Variants in SYNM observed in about 807,000 individuals in gnomAD.
SYNM encodes synemin.
Under a neutral mutation model 104.0 loss-of-function variants are expected in SYNM, and 95 were observed. That is an observed-to-expected ratio of 0.91 (90% CI 0.77 to 1.08). The LOEUF (loss-of-function observed/expected upper bound fraction) is 1.08, where lower values mean the gene tolerates loss of function less well. Ranked by LOEUF, SYNM falls within the 50% of genes least tolerant of loss-of-function variation. The probability of loss-of-function intolerance (pLI) is 0.00; values close to 1 mark genes in which losing one functional copy is unlikely to be tolerated. For missense variants in SYNM, 2,150 were observed against 2,052.2 expected, an observed-to-expected ratio of 1.05 and a Z score of -0.92; for synonymous variants, 918 against 869.0, an observed-to-expected ratio of 1.06 and a Z score of -0.99.
At chr15:99,123,272 A>G (rs1357710588) in intron 2 of SYNM, among the ~76,000 whole-genome samples, 1 of 149,194 alleles carries the variant, frequency 6.7e-6, no homozygotes, top group Non-Finnish European at 1.5e-5. Flanking sequence ...TCTCTGTTTT[A>G]TGAGTGATGT....
chr15:99,126,654 C>T lies in SYNM; in HGVS notation c.936-68C>T, dbSNP rs868966882. The T allele has an allele frequency of 3.8e-5, 54 of 1,422,410 alleles. 3 individuals are homozygous for T. In the Middle Eastern group the frequency reaches 8.0e-3, roughly 211 times the overall value. The allele number at this position is 1,422,410 out of a possible 1,614,324, so 88.1% of individuals were successfully genotyped here. On this transcript the variant is annotated intron_variant, in intron 2 of 3. Coordinates refer to ENST00000336292, the MANE Select transcript of SYNM (RefSeq NM_145728.3). ...TGGTCATTGGCCGCATACCACGATACGTTTTATTAGAGGCACTTCTTACTC... is the reference window on the plus strand; with the variant it reads ...TGGTCATTGGCCGCATACCACGATATGTTTTATTAGAGGCACTTCTTACTC...
intron 1 of SYNM, among the ~76,000 whole-genome samples, chr15:99,110,045 G>A (rs1435584570): frequency 6.6e-6 from 1 of 152,224 alleles, no homozygotes; most frequent in African/African-American, 2.4e-5. Flanking sequence ...AACCCAGGCA[G>A]GAAGTGCTCG....
At position 99,134,131 on chromosome 15, in the gene SYNM, C is replaced by T. The variant is rs1439665894; in HGVS notation, c.*1073C>T. 1.3e-5 allele frequency: 2 copies of T among 152,152 alleles called. No homozygotes were observed. The highest frequency in any genetic ancestry group is 1.3e-4 in the Admixed American group (2 of 15,276). The allele number at this position is 152,152 out of a possible 1,614,324, so 9.4% of individuals were successfully genotyped here. A position where few individuals can be genotyped will look rare whatever the true frequency, so the allele number is the denominator to read the frequency against. On this transcript the variant is annotated 3_prime_UTR_variant, in exon 4 of 4. Transcript: ENST00000336292. ...ATGAATACAATAACAACCATGAACC[C>T]ACCTCACGGAAGCTTTTTTTGCACT...
At position 99,105,168 on chromosome 15, in the gene SYNM, G is replaced by A. The variant is rs369166722; in HGVS notation, c.-32G>A. 7.7e-6 allele frequency: 12 copies of A among 1,558,862 alleles called. No homozygotes were observed. The highest frequency in any genetic ancestry group is 1.9e-5 in the Admixed American group (1 of 53,542). ...ACAAGACCAGGGCAGGAGGGAGCCG[G>A]CCAGCCGCGAGAACCCCGCACGCCC... On this transcript the variant is annotated 5_prime_UTR_variant, in exon 1 of 4. Coordinates refer to ENST00000336292, the MANE Select transcript of SYNM (RefSeq NM_145728.3).
In SYNM at chr15:99,132,376, CAGAG is replaced by C. The variant is rs782180586; in HGVS notation, c.4019_4022del (p.Glu1340AlafsTer26). The C allele has an allele frequency of 1.9e-4, 311 of 1,613,976 alleles. 1 individual carries two copies. The highest frequency in any genetic ancestry group is 1.7e-3 in the South Asian group (156 of 91,074). ...CCCCAACTGGGGGAATCTGGTGACTCAGAGAGCACTGTGCACGGAGAGGGCTCAG... is the reference window on the plus strand; with the variant it reads ...CCCCAACTGGGGGAATCTGGTGACTCAGCACTGTGCACGGAGAGGGCTCAG... On this transcript the variant is annotated frameshift_variant, in exon 4 of 4. Coordinates refer to ENST00000336292, the MANE Select transcript of SYNM (RefSeq NM_145728.3). LOFTEE classifies it high-confidence loss of function.
At position 99,109,910 on chromosome 15, in the gene SYNM, GA is replaced by G. The variant is rs141281112; in HGVS notation, c.811-3679del. 6.5e-3 allele frequency among the ~76,000 whole-genome samples: 989 copies of G among 152,286 alleles called. 12 individuals are homozygous for G. The highest frequency in any genetic ancestry group is 0.022 in the African/African-American group (931 of 41,560). On this transcript the variant is annotated intron_variant, in intron 1 of 3. Coordinates refer to ENST00000336292, the MANE Select transcript of SYNM (RefSeq NM_145728.3). ...TGGGCATTTACTTTGAGTGCCATGGGAAGCCACTGGAGGTTCTGAGCCGAGG... is the reference window on the plus strand; with the variant it reads ...TGGGCATTTACTTTGAGTGCCATGGGAGCCACTGGAGGTTCTGAGCCGAGG...
At chr15:99,122,676 C>T (rs4965444) in intron 2 of SYNM, among the ~76,000 whole-genome samples, 11,523 of 152,020 alleles carry the variant, frequency 0.076, 485 homozygotes, top group Admixed American at 0.12. Flanking sequence ...TCTCTACAAA[C>T]GATACAAAAA....
At chr15:99,135,860 A>AC (rs2067569361), downstream of SYNM, among the ~76,000 whole-genome samples, 12 of 152,366 alleles carry the variant, frequency 7.9e-5, no homozygotes, top group Admixed American at 7.2e-4. Context: ...TAAAAATGTC[A>AC]TCATCACAGC....
downstream of SYNM, chr15:99,139,708 T>C: frequency 7.3e-7 from 1 of 1,364,612 alleles, no homozygotes. Context: ...GAGGATGGGC[T>C]CCAGTTTCTA....
Position 99,131,952 on chromosome 15 carries a change from G to C in SYNM, c.3592G>C (p.Glu1198Gln), listed in dbSNP as rs1456078326. The change falls in exon 4 of 4, where the codon GAG becomes CAG. Residue 1198 changes from glutamate to glutamine, a missense_variant. Physicochemically the swap from Glu to Gln is conservative, Grantham distance 29. Transcript: ENST00000336292. The surrounding 1 kb of genome is among the most constrained non-coding windows in gnomAD (Gnocchi z 4.3). ...CCTAGGCCCTGCCCCTGCCTGTCCA[G>C]AGGCATGGGGCTCGCCAGAACCTGG... ...IFLGPAPACP[E>Q]AWGSPEPGPA... The C allele has an allele frequency of 4.3e-6, 7 of 1,613,726 alleles. No individual in the cohort carries two copies. Among genetic ancestry groups the C allele is most frequent in the Non-Finnish European group, 5.9e-6 (7 of 1,179,884 alleles).
chr15:99,112,636 G>A lies in SYNM; in HGVS notation c.811-955G>A, dbSNP rs112502018. Among the ~76,000 whole-genome samples the A allele has an allele frequency of 4.7e-3, 711 of 152,316 alleles. 4 individuals are homozygous for A. Among genetic ancestry groups the A allele is most frequent in the Non-Finnish European group, 8.3e-3 (567 of 68,030 alleles). On this transcript the variant is annotated intron_variant, in intron 1 of 3. Coordinates refer to ENST00000336292, the MANE Select transcript of SYNM (RefSeq NM_145728.3). ...GGTCGGGGACCCGGCCAGGGGTGAG[G>A]GGAGCTGCGAGGAGCACCCAGGACG...
chr15:99,129,924 G>A lies in SYNM; in HGVS notation c.1564G>A (p.Glu522Lys). ...AGAAACCATCCGAACAAAGCCAGAA[G>A]AGAAAATGTTCGATTCTAAAGAGAA... ...RPETIRTKPEEKMFDSKEKAS... is the reference protein window; with the variant it reads ...RPETIRTKPEKKMFDSKEKAS... Residue 522 changes from glutamate to lysine, a missense_variant, in exon 4 of 4, where the codon GAG (glutamate) becomes AAG (lysine). By Grantham distance (56) the Glu-to-Lys change is moderately conservative. Transcript: ENST00000336292. 6.2e-7 allele frequency: 1 copy of A among 1,612,418 alleles called. No homozygotes were observed. Among genetic ancestry groups the A allele is most frequent in the Non-Finnish European group, 8.5e-7 (1 of 1,179,094 alleles).
chr15:99,139,178 C>A (rs1555488702), downstream of SYNM: 1 of 1,080,730 alleles, frequency 9.3e-7, no homozygotes, highest in African/African-American at 1.6e-5. Context: ...TTCAAAGGAA[C>A]TTGTCCTTTA....
At chr15:99,127,550 CT>C (rs1196708628) in intron 3 of SYNM, among the ~76,000 whole-genome samples, 1 of 152,140 alleles carries the variant, frequency 6.6e-6, no homozygotes, top group Non-Finnish European at 1.5e-5. Flanking sequence ...TTCATTGTTT[CT>C]TTTAGGCAAC....
At chr15:99,140,911 C>G in the SYNM span, 1 of 151,988 alleles carries the variant, frequency 6.6e-6, no homozygotes, top group African/African-American at 2.4e-5. Flanking sequence ...AATACCAAAC[C>G]AAACCAAAAC....
intron 2 of SYNM, among the ~76,000 whole-genome samples, chr15:99,120,175 T>A (rs1385953762): frequency 1.3e-5 from 2 of 152,216 alleles, no homozygotes; most frequent in Non-Finnish European, 2.9e-5. Context: ...CCAAGGCTGT[T>A]CCCTCCATGC....
chr15:99,139,283 TGAGATAGA>T (rs1567300807), downstream of SYNM: 1 of 1,563,090 alleles, frequency 6.4e-7, no homozygotes, highest in Admixed American at 1.7e-5. Context: ...GGAAAGGGAA[TGAGATAGA>T]GAAAGTGTGA....
chr15:99,116,975 G>A lies in SYNM; in HGVS notation c.935+3260G>A, dbSNP rs1007066444. On this transcript the variant is annotated intron_variant, in intron 2 of 3. Coordinates refer to ENST00000336292, the MANE Select transcript of SYNM (RefSeq NM_145728.3). ...CAGGCATGAGCCCCTGTGCCTAGCC[G>A]GTGCTGGGTTCTTTTAAACAACCAG... is the stretch of plus-strand genomic sequence containing the variant. Among the ~76,000 whole-genome samples, 4 of 143,764 alleles carry A rather than the reference G, an allele frequency of 2.8e-5. 1 individual carries two copies. Among genetic ancestry groups the A allele is most frequent in the Non-Finnish European group, 4.6e-5 (3 of 64,762 alleles). The allele number at this position is 143,764 out of a possible 152,430, so 94.3% of individuals were successfully genotyped here.
intron 3 of SYNM, among the ~76,000 whole-genome samples, chr15:99,127,500 ATGTTGAGT>A (rs1293563760): frequency 1.2e-4 from 18 of 152,208 alleles, no homozygotes; most frequent in Admixed American, 1.2e-3. Flanking sequence ...TACGTATAGA[ATGTTGAGT>A]TCACACCTTA....
Sources: allele counts gnomAD v4.1 joint callset (sites outside exome capture counted in the v4.1 genomes callset), GRCh38; gene constraint gnomAD v4.1.1; non-coding constraint Gnocchi (gnomAD v3.1); transcripts MANE v1.5; gene names NCBI Gene and HGNC (gene_info 2026-07-23, HGNC 2026-07-21).